RAD51B: variants seen among roughly 807,000 people sequenced by gnomAD.
RAD51B encodes RAD51 paralog B.
In RAD51B, 38 loss-of-function variants were observed where a neutral mutation model predicts 42.2. That is an observed-to-expected ratio of 0.90 (90% CI 0.70 to 1.18). The LOEUF (loss-of-function observed/expected upper bound fraction) is 1.18. Ranked by LOEUF, RAD51B falls within the 50% of genes most tolerant of loss-of-function variation. The pLI is 0.00. For missense variants in RAD51B, 373 were observed against 400.7 expected, an observed-to-expected ratio of 0.93 and a Z score of 0.59; for synonymous variants, 154 against 145.2, an observed-to-expected ratio of 1.06 and a Z score of -0.43.
intron 10 of RAD51B, among the ~76,000 whole-genome samples, chr14:68,607,845 G>A (rs541160859): frequency 6.6e-6 from 1 of 152,104 alleles, no homozygotes; most frequent in Non-Finnish European, 1.5e-5. Flanking sequence ...AGGGGCTGTC[G>A]ATTACCCGGG....
intron 7 of RAD51B, among the ~76,000 whole-genome samples, chr14:68,263,890 C>T (rs1362014814): frequency 6.6e-6 from 1 of 152,076 alleles, no homozygotes; most frequent in Non-Finnish European, 1.5e-5. Context: ...AAAGGGATGC[C>T]AAAAAGCAGT....
At chr14:68,514,352 A>G (rs1004982418) in intron 10 of RAD51B, among the ~76,000 whole-genome samples, 5 of 152,068 alleles carry the variant, frequency 3.3e-5, no homozygotes, top group African/African-American at 1.2e-4. Flanking sequence ...CAGTCTGGAG[A>G]TTTTGGCCAT....
intron 10 of RAD51B, among the ~76,000 whole-genome samples, chr14:68,488,119 A>G (rs1008204483): frequency 1.3e-5 from 2 of 152,052 alleles, no homozygotes; most frequent in Non-Finnish European, 2.9e-5. Flanking sequence ...ACATGGAAAG[A>G]CAAATGAATG....
downstream of RAD51B, among the ~76,000 whole-genome samples, chr14:68,612,442 A>T (rs1891714162): frequency 6.6e-6 from 1 of 152,220 alleles, no homozygotes; most frequent in Non-Finnish European, 1.5e-5. Context: ...CCCGGCTACC[A>T]CATGAAACAC....
At chr14:68,187,577 A>G (rs1429319228) in intron 7 of RAD51B, among the ~76,000 whole-genome samples, 2 of 152,218 alleles carry the variant, frequency 1.3e-5, no homozygotes, top group African/African-American at 2.4e-5. Context: ...TAAAAGTAAT[A>G]CATACCCTTA....
At chr14:67,880,915 A>G (rs1216879447) in intron 5 of RAD51B, among the ~76,000 whole-genome samples, 3 of 152,170 alleles carry the variant, frequency 2.0e-5, no homozygotes, top group African/African-American at 7.2e-5. Flanking sequence ...TCGCTTAACA[A>G]TTGGGATATG....
chr14:67,867,401 A>G (rs1286327733), intron 5 of RAD51B, among the ~76,000 whole-genome samples: 2 of 152,218 alleles, frequency 1.3e-5, no homozygotes. Flanking sequence ...GTGATGACAG[A>G]GAGACCTAGG....
At chr14:68,152,435 C>G (rs1417833718) in intron 7 of RAD51B, among the ~76,000 whole-genome samples, 1 of 152,128 alleles carries the variant, frequency 6.6e-6, no homozygotes, top group Non-Finnish European at 1.5e-5. Flanking sequence ...TTGAGCCTGG[C>G]CAGCCAACAT....
At chr14:68,108,547 T>A (rs2077412175) in intron 7 of RAD51B, among the ~76,000 whole-genome samples, 1 of 151,934 alleles carries the variant, frequency 6.6e-6, no homozygotes, top group African/African-American at 2.4e-5. Flanking sequence ...ATACAAAATG[T>A]TCAGAATAGG....
chr14:67,869,881 A>C (rs1343380292), intron 5 of RAD51B, among the ~76,000 whole-genome samples: 1 of 152,136 alleles, frequency 6.6e-6, no homozygotes, highest in Non-Finnish European at 1.5e-5. Context: ...AGACAAGCAA[A>C]TGCTGAGAGA....
intron 8 of RAD51B, among the ~76,000 whole-genome samples, chr14:68,301,107 CT>C: frequency 6.6e-6 from 1 of 152,104 alleles, no homozygotes; most frequent in Non-Finnish European, 1.5e-5. Flanking sequence ...AATAGAAGGC[CT>C]TTTTAGGTTA....
intron 10 of RAD51B, among the ~76,000 whole-genome samples, chr14:68,639,559 A>G (rs1182543575): frequency 6.6e-6 from 1 of 152,192 alleles, no homozygotes; most frequent in African/African-American, 2.4e-5. Flanking sequence ...AGCAATAGGA[A>G]TGAAAAGGGA....
chr14:68,060,435 G>C (rs2076549281), intron 7 of RAD51B, among the ~76,000 whole-genome samples: 1 of 152,194 alleles, frequency 6.6e-6, no homozygotes, highest in South Asian at 2.1e-4. Context: ...CAGAATGCAA[G>C]TGGGTTAGTG....
intron 11 of RAD51B, among the ~76,000 whole-genome samples, chr14:68,670,371 C>T (rs1043447337): frequency 6.6e-6 from 1 of 152,194 alleles, no homozygotes; most frequent in Non-Finnish European, 1.5e-5. Flanking sequence ...CCCCGGCCCA[C>T]CCCTCTGCAG....
At chr14:68,133,214 G>T (rs1354584064) in intron 7 of RAD51B, among the ~76,000 whole-genome samples, 1 of 152,158 alleles carries the variant, frequency 6.6e-6, no homozygotes, top group Non-Finnish European at 1.5e-5. Context: ...TGTGATTCTA[G>T]CTGTTTTTCA....
intron 7 of RAD51B, among the ~76,000 whole-genome samples, chr14:67,950,317 G>A (rs2074420363): frequency 4.6e-5 from 7 of 152,214 alleles, no homozygotes; most frequent in Admixed American, 4.6e-4. Flanking sequence ...ACTTGCTGCA[G>A]CATCTACATC....
intron 8 of RAD51B, among the ~76,000 whole-genome samples, chr14:68,373,902 G>A (rs2083310689): frequency 6.6e-6 from 1 of 152,176 alleles, no homozygotes; most frequent in African/African-American, 2.4e-5. Context: ...TTGGTCATTT[G>A]CATTTGTGAA....
rs568412530 is a variant in RAD51B at position 67,904,122 on chromosome 14, A to G, written c.756+16918A>G. Among the ~76,000 whole-genome samples, 20 of 152,242 alleles carry G rather than the reference A, an allele frequency of 1.3e-4. No individual in the cohort carries two copies. In the East Asian group the frequency reaches 3.3e-3, roughly 25 times the overall value. ...ATGGCTGCATAGTATTTCATGGTAT[A>G]TATGTACCACATTTTCTTTATCTCG... On this transcript the variant is annotated intron_variant, in intron 7 of 10. Coordinates refer to ENST00000471583, the MANE Select transcript of RAD51B (RefSeq NM_133510.4).
downstream of RAD51B, among the ~76,000 whole-genome samples, chr14:68,598,342 T>C (rs1891085238): frequency 6.6e-6 from 1 of 152,288 alleles, no homozygotes; most frequent in Middle Eastern, 3.4e-3. Flanking sequence ...GATTCAGAAA[T>C]GTGTTAGCTG....
Sources: gnomAD v4.1 joint callset for allele counts (sites outside exome capture counted in the v4.1 genomes callset) on GRCh38, gnomAD v4.1.1 for gene constraint, MANE v1.5 for transcripts, NCBI Gene and HGNC (gene_info 2026-07-23, HGNC 2026-07-21) for gene names.